Variants in CHCHD7 observed in about 807,000 individuals in gnomAD.
CHCHD7 encodes the protein coiled-coil-helix-coiled-coil-helix domain containing 7, also known as coiled-coil-helix-coiled-coil-helix domain-containing protein 7.
Under a neutral mutation model 10.5 loss-of-function variants are expected in CHCHD7, and 7 were observed. The observed-to-expected ratio is 0.67, with a 90% CI of 0.38 to 1.25. CHCHD7 has a LOEUF of 1.25. Ranked by LOEUF, CHCHD7 falls within the 50% of genes most tolerant of loss-of-function variation. CHCHD7 has a pLI of 0.02. For missense variants in CHCHD7, 100 were observed against 104.5 expected (o/e 0.96, Z 0.19); for synonymous variants, 40 against 36.0 (o/e 1.11, Z -0.40).
At chr8:56,212,613 T>C (rs1813070830) in intron 1 of CHCHD7, 2 of 416,672 alleles carry the variant, frequency 4.8e-6, no homozygotes, top group Admixed American at 4.2e-5. Flanking sequence ...TGGTTTTTCT[T>C]TCTGGTTATG....
Position 56,214,830 on chromosome 8 carries a change from A to G in CHCHD7, c.54+163A>G, listed in dbSNP as rs1813249149. ...TTAACTAGAGCATTTTTAGATGTTT[A>G]TAATTTCTCTAACAAACATTCATCT... is the stretch of plus-strand genomic sequence containing the variant. On this transcript the variant is annotated intron_variant, in intron 2 of 3. Transcript: ENST00000355315. 9.8e-6 allele frequency: 5 copies of G among 510,518 alleles called. No individual in the cohort carries two copies. The South Asian group carries it at 1.3e-4, about 13-fold the overall frequency. The allele number at this position is 510,518 out of a possible 1,614,324, so 31.6% of individuals were successfully genotyped here. A position where few individuals can be genotyped will look rare whatever the true frequency, so the allele number is the denominator to read the frequency against.
intron 3 of CHCHD7, chr8:56,217,030 G>A: frequency 4.8e-6 from 2 of 418,088 alleles, no homozygotes; most frequent in South Asian, 2.4e-5. Flanking sequence ...TTTATTTCAC[G>A]ATTATTCAGT....
In CHCHD7 at chr8:56,216,417, C is replaced by T; in HGVS notation, c.55-16C>T. On this transcript the variant is annotated splice_polypyrimidine_tract_variant and intron_variant, in intron 2 of 3. Coordinates refer to ENST00000355315, the MANE Select transcript of CHCHD7 (RefSeq NM_001011671.3). Reference sequence around the variant, plus strand: ...CTGTTCTACCTTTTAAATGATGCCTCTCTTATATCTGTAAGGAATCTGATG... The same window carrying T: ...CTGTTCTACCTTTTAAATGATGCCTTTCTTATATCTGTAAGGAATCTGATG... The T allele has an allele frequency of 6.2e-7, 1 of 1,614,054 alleles. No individual in the cohort carries two copies. Among genetic ancestry groups the T allele is most frequent in the Non-Finnish European group, 8.5e-7 (1 of 1,179,990 alleles).
chr8:56,215,038 C>A (rs1257750585), intron 2 of CHCHD7: 3 of 174,318 alleles, frequency 1.7e-5, no homozygotes, highest in Admixed American at 1.1e-4. Context: ...TCCTTGACAA[C>A]CTGGCTGAGA....
At chr8:56,212,812 T>TTA (rs761901187) in intron 1 of CHCHD7, 1 of 1,425,284 alleles carries the variant, frequency 7.0e-7, no homozygotes, top group South Asian at 1.2e-5. Context: ...AAATCCAAAC[T>TTA]TAGAGTGCCT....
At position 56,216,065 on chromosome 8, in the gene CHCHD7, T is replaced by G. The variant is rs551940888; in HGVS notation, c.55-368T>G. Among the ~76,000 whole-genome samples the G allele has an allele frequency of 2.6e-5, 4 of 152,328 alleles. No individual in the cohort carries two copies. The South Asian group carries it at 6.2e-4, about 24-fold the overall frequency. ...TGAAAATCTGGAAAAACAGGAGAGATGTACTGTGAGTCAGGAGATGGATTC... is the reference window on the plus strand; with the variant it reads ...TGAAAATCTGGAAAAACAGGAGAGAGGTACTGTGAGTCAGGAGATGGATTC... On this transcript the variant is annotated intron_variant, in intron 2 of 3. Transcript: ENST00000355315.
rs1813412678 is a variant in CHCHD7 at position 56,217,369 on chromosome 8, G to A, written c.192G>A (p.Lys64=). ...TGCAGAGAAGAAAGAACGGAGTGAA[G>A]CCATTTATGCCTACGGCAGCAGAAA... The part of the protein sequence containing the change: ...IVMQRRKNGV[K]PFMPTAAERD... The change falls in exon 4 of 4, where the codon AAG becomes AAA. Residue 64 remains lysine (K), a synonymous_variant. Coordinates refer to ENST00000355315, the MANE Select transcript of CHCHD7 (RefSeq NM_001011671.3). 6.2e-7 allele frequency: 1 copy of A among 1,612,742 alleles called. No individual in the cohort carries two copies. Among genetic ancestry groups the A allele is most frequent in the Non-Finnish European group, 8.5e-7 (1 of 1,178,866 alleles).
chr8:56,216,484 A>G lies in CHCHD7; in HGVS notation c.106A>G (p.Arg36Gly), dbSNP rs756378593. 46 of 1,614,076 alleles carry G rather than the reference A, an allele frequency of 2.8e-5. No individual in the cohort carries two copies. Among genetic ancestry groups the G allele is most frequent in the Non-Finnish European group, 3.6e-5 (43 of 1,180,022 alleles). ...GGATGAAAATAACTATGACAGGGAA[A>G]GGTGTTCCACTTACTTCTTGAGGTA... ...CLDENNYDRE[R>G]CSTYFLRYKN... is the part of the protein sequence containing the mutation. The change falls in exon 3 of 4, where the codon AGG (arginine) becomes GGG (glycine). Residue 36 changes from arginine (R) to glycine (G), a missense_variant. Coordinates refer to ENST00000355315, the MANE Select transcript of CHCHD7 (RefSeq NM_001011671.3).
rs981322137 is a variant in CHCHD7, at chr8:56,217,336, T to G, written c.159T>G (p.Ser53=). Residue 53 remains serine (S), a synonymous_variant, in exon 4 of 4, where the codon TCT becomes TCG. Coordinates refer to ENST00000355315, the MANE Select transcript of CHCHD7 (RefSeq NM_001011671.3). ...RYKNCRRFWN[S]IVMQRRKNGV... Reference sequence around the variant, plus strand: ...ATTTTAATGCCTGTACACAGAATTCTATCGTGATGCAGAGAAGAAAGAACG... The same window carrying G: ...ATTTTAATGCCTGTACACAGAATTCGATCGTGATGCAGAGAAGAAAGAACG... 3.1e-6 allele frequency: 5 copies of G among 1,601,808 alleles called. No individual in the cohort carries two copies. The African/African-American group carries it at 5.4e-5, about 17-fold the overall frequency.
chr8:56,216,892 TTC>T (rs1216783273), intron 3 of CHCHD7: 1 of 515,546 alleles, frequency 1.9e-6, no homozygotes, highest in East Asian at 3.5e-5. Context: ...TTCTGCCTTT[TTC>T]TCTCTCACTG....
Position 56,217,572 on chromosome 8 carries a change from C to G in CHCHD7, c.*137C>G, listed in dbSNP as rs981671649. 6 of 557,438 alleles carry G rather than the reference C, an allele frequency of 1.1e-5. No homozygotes were observed. Among genetic ancestry groups the G allele is most frequent in the Non-Finnish European group, 1.6e-5 (5 of 317,232 alleles). 34.5% of individuals were successfully genotyped at this position (557,438 alleles called of 1,614,324 possible). A position where few individuals can be genotyped will look rare whatever the true frequency, so the allele number is the denominator to read the frequency against. ...TTCAAGTGGAGACAGTGAAGTCACC[C>G]CGTGTCCTTTTTGCTTGCTCTCAGT... On this transcript the variant is annotated 3_prime_UTR_variant, in exon 4 of 4. Transcript: ENST00000355315.
Position 56,216,546 on chromosome 8 carries a change from G to A in CHCHD7, c.153+15G>A, listed in dbSNP as rs1185465353. 6.2e-7 allele frequency: 1 copy of A among 1,614,038 alleles called. No individual in the cohort carries two copies. Among genetic ancestry groups the A allele is most frequent in the Admixed American group, 1.7e-5 (1 of 60,028 alleles). Reference sequence around the variant, plus strand: ...GGAGATTCTGGGTAAGCCTAGATTGGTTAGCTTTGTGTTAAAACCCATCTC... The same window carrying A: ...GGAGATTCTGGGTAAGCCTAGATTGATTAGCTTTGTGTTAAAACCCATCTC... On this transcript the variant is annotated intron_variant, in intron 3 of 3. Transcript: ENST00000355315.
Position 56,216,521 on chromosome 8 carries a change from G to A in CHCHD7, c.143G>A (p.Arg48Gln), listed in dbSNP as rs1397258569. 17 of 1,614,130 alleles carry A rather than the reference G, an allele frequency of 1.1e-5. No homozygotes were observed. The highest frequency in any genetic ancestry group is 1.6e-4 in the Middle Eastern group (1 of 6,062). The change falls in exon 3 of 4, where the codon CGG (arginine) becomes CAG (glutamine). Residue 48 changes from arginine (R) to glutamine (Q), a missense_variant. Transcript: ENST00000355315. ...STYFLRYKNC[R>Q]RFWNSIVMQR... ...TACTTCTTGAGGTACAAAAACTGCC[G>A]GAGATTCTGGGTAAGCCTAGATTGG...
intron 1 of CHCHD7, chr8:56,212,606 T>G: frequency 2.4e-6 from 1 of 410,426 alleles, no homozygotes; most frequent in Non-Finnish European, 4.4e-6. Flanking sequence ...CTTTGCTTGG[T>G]TTTTCTTTCT....
At chr8:56,216,717 G>C (rs900881705) in intron 3 of CHCHD7, 186 bp downstream of exon 3, 1 of 728,448 alleles carries the variant, frequency 1.4e-6, no homozygotes, top group Admixed American at 2.0e-5. Flanking sequence ...TAGCTGCCTC[G>C]TCGTCCTCTA....
intron 2 of CHCHD7, among the ~76,000 whole-genome samples, chr8:56,216,184 G>T (rs1249641349): frequency 1.3e-5 from 2 of 152,148 alleles, no homozygotes; most frequent in Non-Finnish European, 2.9e-5. Flanking sequence ...CAGTTATTTG[G>T]CTCAAATTCC....
intron 2 of CHCHD7, chr8:56,215,167 ATACT>A (rs1401409611): frequency 3.3e-5 from 5 of 153,822 alleles, no homozygotes; most frequent in Middle Eastern, 3.4e-3. Context: ...ATGATTTGCG[ATACT>A]TACTTGTGGC....
In CHCHD7 at chr8:56,217,804, G is replaced by A. The variant is rs1813447501; in HGVS notation, c.*369G>A. The A allele has an allele frequency of 8.2e-6, 2 of 243,286 alleles. No homozygotes were observed. Among genetic ancestry groups the A allele is most frequent in the South Asian group, 1.5e-4 (1 of 6,862 alleles). 15.1% of individuals were successfully genotyped at this position (243,286 alleles called of 1,614,324 possible). A position where few individuals can be genotyped will look rare whatever the true frequency, so the allele number is the denominator to read the frequency against. ...GAAAGGAAATGTTATGAGCAAGAGT[G>A]TGAGGCAAGAGAAGCTGGAACCACA... is the stretch of plus-strand genomic sequence containing the variant. On this transcript the variant is annotated 3_prime_UTR_variant, in exon 4 of 4. Transcript: ENST00000355315.
At chr8:56,216,828 G>A in intron 3 of CHCHD7, 1 of 665,230 alleles carries the variant, frequency 1.5e-6, no homozygotes, top group Admixed American at 2.1e-5. Flanking sequence ...TTTTCCTGGA[G>A]ATGAACAGAA....
Sources: gnomAD v4.1 joint callset for allele counts (sites outside exome capture counted in the v4.1 genomes callset) on GRCh38, gnomAD v4.1.1 for gene constraint, MANE v1.5 for transcripts, NCBI Gene and HGNC (gene_info 2026-07-23, HGNC 2026-07-21) for gene names.